GATAD2A: variants seen among roughly 807,000 people sequenced by gnomAD.
GATAD2A encodes GATA zinc finger domain containing 2A.
In GATAD2A, 12 loss-of-function variants were observed where a neutral mutation model predicts 68.5. That is an observed-to-expected ratio of 0.18 (90% confidence interval 0.11 to 0.28). The LOEUF (loss-of-function observed/expected upper bound fraction) is 0.28, where lower values mean the gene tolerates loss of function less well. Ranked by LOEUF, GATAD2A falls within the 10% of genes least tolerant of loss-of-function variation. The probability of loss-of-function intolerance (pLI) is 1.00; values close to 1 mark genes in which losing one functional copy is unlikely to be tolerated. For missense variants in GATAD2A, 755 were observed against 868.5 expected, an observed-to-expected ratio of 0.87 and a Z score of 1.64; for synonymous variants, 410 against 375.3, an observed-to-expected ratio of 1.09 and a Z score of -1.07.
At chr19:19,474,241 C>A in intron 2 of GATAD2A, 1 of 842,776 alleles carries the variant, frequency 1.2e-6, no homozygotes, top group Non-Finnish European at 1.4e-6. Context: ...CTGGAATTGC[C>A]CCCAACCCCG....
At chr19:19,428,899 C>T (rs1255607603) in intron 1 of GATAD2A, among the ~76,000 whole-genome samples, 1 of 152,212 alleles carries the variant, frequency 6.6e-6, no homozygotes, top group Non-Finnish European at 1.5e-5. Context: ...TGGCCGCGCC[C>T]CGAAGCTCTG....
intron 2 of GATAD2A, among the ~76,000 whole-genome samples, chr19:19,483,381 A>G (rs1433650461): frequency 6.6e-6 from 1 of 152,216 alleles, no homozygotes; most frequent in African/African-American, 2.4e-5. Context: ...ACGGCCTCTG[A>G]GGCAGAGAAG....
intron 1 of GATAD2A, among the ~76,000 whole-genome samples, chr19:19,458,964 G>A (rs2057183159): frequency 6.6e-6 from 1 of 152,080 alleles, no homozygotes; most frequent in Non-Finnish European, 1.5e-5. Context: ...TTCTTTGTTA[G>A]TTTCTTTCTT....
intron 1 of GATAD2A, among the ~76,000 whole-genome samples, chr19:19,425,616 T>A (rs1207093139): frequency 6.6e-6 from 1 of 152,152 alleles, no homozygotes; most frequent in East Asian, 1.9e-4. Flanking sequence ...TCCAGTTGGG[T>A]ACCTCAGGCG....
Position 19,501,421 on chromosome 19 carries a change from G to A in GATAD2A, c.1503+5G>A. On this transcript the variant is annotated splice_donor_5th_base_variant and intron_variant, in intron 9 of 11. Coordinates refer to ENST00000683918, the MANE Select transcript of GATAD2A (RefSeq NM_001384528.1). ...CCACACCCCGTGCTGAAGCAGGTGAGCCTGGCCTGCTGCCGGCAGTGCCGT... is the reference window on the plus strand; with the variant it reads ...CCACACCCCGTGCTGAAGCAGGTGAACCTGGCCTGCTGCCGGCAGTGCCGT... 4 of 1,579,592 alleles carry A rather than the reference G, an allele frequency of 2.5e-6. No individual in the cohort carries two copies. The highest frequency in any genetic ancestry group is 2.6e-6 in the Non-Finnish European group (3 of 1,163,468).
At chr19:19,459,257 T>G (rs910309182) in intron 1 of GATAD2A, among the ~76,000 whole-genome samples, 1 of 152,226 alleles carries the variant, frequency 6.6e-6, no homozygotes, top group African/African-American at 2.4e-5. Flanking sequence ...CTATAGTAAG[T>G]GAAAGTTTCT....
intron 1 of GATAD2A, among the ~76,000 whole-genome samples, chr19:19,450,439 G>A (rs1011238397): frequency 2.0e-5 from 3 of 152,134 alleles, no homozygotes; most frequent in African/African-American, 7.2e-5. Flanking sequence ...TTCAGGGAAC[G>A]CTGGTGCTCA....
At chr19:19,488,019 G>A (rs921755157) in intron 2 of GATAD2A, among the ~76,000 whole-genome samples, 3 of 152,192 alleles carry the variant, frequency 2.0e-5, no homozygotes, top group Admixed American at 6.5e-5. Flanking sequence ...TTCTTGTACC[G>A]AGGCCTCACG....
chr19:19,502,971 G>C (rs540907994), intron 11 of GATAD2A, among the ~76,000 whole-genome samples: 7 of 152,360 alleles, frequency 4.6e-5, no homozygotes, highest in Non-Finnish European at 1.0e-4. Context: ...GGGGCAGGGG[G>C]TGTGCCCAGG....
Position 19,507,343 on chromosome 19 carries a change from C to T in GATAD2A, c.*1869C>T, listed in dbSNP as rs1206791880. ...CAAATAAATACCTGTCTCCTACGAC[C>T]CTGAGCTGTTAGCCCTCTCTGTTCC... On this transcript the variant is annotated 3_prime_UTR_variant, in exon 12 of 12. Coordinates refer to ENST00000683918, the MANE Select transcript of GATAD2A (RefSeq NM_001384528.1). The T allele has an allele frequency of 6.6e-6, 1 of 152,150 alleles. No individual in the cohort carries two copies. Among genetic ancestry groups the T allele is most frequent in the African/African-American group, 2.4e-5 (1 of 41,430 alleles). 9.4% of individuals were successfully genotyped at this position (152,150 alleles called of 1,614,324 possible).
intron 2 of GATAD2A, among the ~76,000 whole-genome samples, chr19:19,472,868 C>G (rs1209129392): frequency 6.6e-6 from 1 of 152,162 alleles, no homozygotes; most frequent in Non-Finnish European, 1.5e-5. Context: ...AGGACCAGAC[C>G]TGCTGTATGC....
intron 1 of GATAD2A, among the ~76,000 whole-genome samples, 151 bp downstream of exon 1, chr19:19,406,170 C>G (rs1284767609): frequency 6.6e-6 from 1 of 151,768 alleles, no homozygotes; most frequent in African/African-American, 2.4e-5. Context: ...AGTTCTACTC[C>G]TTGTATTCTG....
In GATAD2A at chr19:19,452,134, A is replaced by G. The variant is rs80149398; in HGVS notation, c.-6-13206A>G. On this transcript the variant is annotated intron_variant, in intron 1 of 11. Transcript: ENST00000683918. ...ATTGCTCTGTGTTTAACTAGTGTAT[A>G]CTTTGCAGGGGAAGGAGGTGTCTGT... 7.3e-3 allele frequency among the ~76,000 whole-genome samples: 1,107 copies of G among 152,296 alleles called. 6 individuals are homozygous for G. Among genetic ancestry groups the G allele is most frequent in the Non-Finnish European group, 0.012 (821 of 68,022 alleles).
chr19:19,500,205 T>C (rs2060434919), intron 8 of GATAD2A, among the ~76,000 whole-genome samples: 2 of 152,170 alleles, frequency 1.3e-5, no homozygotes, highest in Non-Finnish European at 2.9e-5. Flanking sequence ...TCGCACCATG[T>C]CTGGTTCTGG....
At chr19:19,388,755 A>G (rs1229312306) in intron 1 of GATAD2A, among the ~76,000 whole-genome samples, 1 of 152,210 alleles carries the variant, frequency 6.6e-6, no homozygotes, top group South Asian at 2.1e-4. Context: ...CTCCCCCTGC[A>G]TAGTATAACT....
chr19:19,450,212 A>C (rs1175092042), intron 1 of GATAD2A, among the ~76,000 whole-genome samples: 5 of 152,194 alleles, frequency 3.3e-5, no homozygotes, highest in Admixed American at 6.5e-5. Context: ...GAACCAGCTT[A>C]TATTCGTGGG....
intron 2 of GATAD2A, among the ~76,000 whole-genome samples, chr19:19,466,522 C>T (rs948294314): frequency 8.5e-5 from 13 of 152,366 alleles, no homozygotes; most frequent in Middle Eastern, 3.4e-3. Flanking sequence ...TGGCTCCTCA[C>T]CTTCCCGTGT....
chr19:19,483,715 C>T (rs1286665522), intron 2 of GATAD2A, among the ~76,000 whole-genome samples: 18 of 151,620 alleles, frequency 1.2e-4, no homozygotes, highest in African/African-American at 2.7e-4. Flanking sequence ...CCCGGGTTCA[C>T]GCCATTCTGC....
intron 2 of GATAD2A, among the ~76,000 whole-genome samples, chr19:19,487,057 G>A (rs1294860000): frequency 1.3e-5 from 2 of 152,232 alleles, no homozygotes; most frequent in Non-Finnish European, 2.9e-5. Context: ...ACAGGAGCAT[G>A]CGGGCTCAGG....
Sources: gnomAD v4.1 joint callset for allele counts (sites outside exome capture counted in the v4.1 genomes callset) on GRCh38, gnomAD v4.1.1 for gene constraint, MANE v1.5 for transcripts, NCBI Gene and HGNC (gene_info 2026-07-23, HGNC 2026-07-21) for gene names.